GAP43: variants seen among roughly 807,000 people sequenced by gnomAD.
GAP43 encodes the protein growth associated protein 43.
A neutral mutation model predicts 18.6 loss-of-function variants in GAP43; 6 were observed. The observed-to-expected ratio is 0.32, with a 90% CI of 0.18 to 0.64. The LOEUF (loss-of-function observed/expected upper bound fraction) is 0.64, where lower values mean the gene tolerates loss of function less well. Among genes scored for constraint, GAP43 ranks in the 30% least tolerant of loss-of-function variants. The pLI is 0.78. For synonymous variants in GAP43, 115 were observed against 111.4 expected, an observed-to-expected ratio of 1.03 and a Z score of -0.20; for missense variants, 292 against 295.5, an observed-to-expected ratio of 0.99 and a Z score of 0.09.
rs905079334 is a variant in GAP43 at position 115,720,791 on chromosome 3, C to G, written c.629-3C>G. ...CCCCATCCTATCTTGTTTTCTTTCT[C>G]AGAAGCTGTAGATGAAACCAAACCT... On this transcript the variant is annotated splice_region_variant and splice_polypyrimidine_tract_variant and intron_variant, in intron 2 of 2. Transcript: ENST00000305124. 4.3e-6 allele frequency: 7 copies of G among 1,609,470 alleles called. No individual in the cohort carries two copies. In the Admixed American group the frequency reaches 1.2e-4, roughly 27 times the overall value.
At position 115,713,961 on chromosome 3, in the gene GAP43, G is replaced by A. The variant is rs559886076; in HGVS notation, c.629-6833G>A. Among the ~76,000 whole-genome samples the A allele has an allele frequency of 4.6e-5, 7 of 152,250 alleles. No individual in the cohort carries two copies. In the South Asian group the frequency reaches 1.0e-3, roughly 23 times the overall value. On this transcript the variant is annotated intron_variant, in intron 2 of 2. Coordinates refer to ENST00000305124, the MANE Select transcript of GAP43 (RefSeq NM_002045.4). ...AGAGAAGTGACCCAGGACGAATTAC[G>A]CTCCTTAGGGCTGAGTGCTTCTTAT...
intron 1 of GAP43, among the ~76,000 whole-genome samples, chr3:115,634,863 G>A (rs1468832952): frequency 6.6e-6 from 1 of 152,162 alleles, no homozygotes; most frequent in East Asian, 1.9e-4. Flanking sequence ...TGTACTGAGG[G>A]TAGCCCACTT....
intron 2 of GAP43, among the ~76,000 whole-genome samples, chr3:115,709,098 AC>A (rs1434836747): frequency 6.6e-6 from 1 of 152,090 alleles, no homozygotes; most frequent in Non-Finnish European, 1.5e-5. Flanking sequence ...GTCATTCAGA[AC>A]CCCAGATTTA....
intron 2 of GAP43, among the ~76,000 whole-genome samples, chr3:115,699,764 A>G (rs567934923): frequency 6.6e-6 from 1 of 152,286 alleles, no homozygotes; most frequent in Non-Finnish European, 1.5e-5. Context: ...TTATTTAATT[A>G]AAATATTTTA....
chr3:115,649,030 G>A (rs1708493313), intron 1 of GAP43, among the ~76,000 whole-genome samples: 2 of 152,020 alleles, frequency 1.3e-5, no homozygotes, highest in Non-Finnish European at 2.9e-5. Context: ...CAGATAACTG[G>A]CATAGACCAC....
At chr3:115,682,311 C>T (rs1039186892) in intron 2 of GAP43, among the ~76,000 whole-genome samples, 1 of 152,054 alleles carries the variant, frequency 6.6e-6, no homozygotes, top group Non-Finnish European at 1.5e-5. Context: ...TCAGTTATGC[C>T]AGGAGGATCT....
chr3:115,692,832 A>C (rs909861694), intron 2 of GAP43, among the ~76,000 whole-genome samples: 4 of 152,238 alleles, frequency 2.6e-5, no homozygotes, highest in Non-Finnish European at 5.9e-5. Context: ...TTCAGTTCAA[A>C]GATATTAATA....
intron 1 of GAP43, among the ~76,000 whole-genome samples, chr3:115,652,132 T>C (rs1270077164): frequency 1.3e-5 from 2 of 152,076 alleles, no homozygotes; most frequent in Admixed American, 6.6e-5. Flanking sequence ...ACATTTACCA[T>C]TGAAACTGAG....
At chr3:115,651,498 G>A (rs1326428929) in intron 1 of GAP43, among the ~76,000 whole-genome samples, 1 of 152,124 alleles carries the variant, frequency 6.6e-6, no homozygotes, top group East Asian at 1.9e-4. Flanking sequence ...CTCATTTGAT[G>A]CCTAACCTCG....
At chr3:115,630,569 G>C (rs1708248409) in intron 1 of GAP43, among the ~76,000 whole-genome samples, 1 of 152,168 alleles carries the variant, frequency 6.6e-6, no homozygotes, top group African/African-American at 2.4e-5. Context: ...TTCTCTGACT[G>C]AATTGGCATG....
chr3:115,641,758 C>G (rs538063374), intron 1 of GAP43, among the ~76,000 whole-genome samples: 2 of 152,152 alleles, frequency 1.3e-5, no homozygotes, highest in African/African-American at 4.8e-5. Context: ...CTAAAGAGAG[C>G]TTAGGAATTA....
At chr3:115,639,378 G>A (rs1708369321) in intron 1 of GAP43, among the ~76,000 whole-genome samples, 1 of 152,060 alleles carries the variant, frequency 6.6e-6, no homozygotes, top group African/African-American at 2.4e-5. Flanking sequence ...AGTACTCACT[G>A]TAAAATATAC....
intron 2 of GAP43, among the ~76,000 whole-genome samples, chr3:115,677,553 T>C (rs1708908985): frequency 1.3e-5 from 2 of 152,194 alleles, no homozygotes; most frequent in African/African-American, 2.4e-5. Context: ...ACATCCACAG[T>C]GGTAAAGGAG....
rs71141831 is a variant in GAP43 at position 115,652,356 on chromosome 3, C to CTTTTTTTTTTTTTTTTTTTTT, written c.31-23648_31-23628dup. Among the ~76,000 whole-genome samples, 18 of 43,812 alleles carry CTTTTTTTTTTTTTTTTTTTTT rather than the reference C, an allele frequency of 4.1e-4. 4 individuals are homozygous for CTTTTTTTTTTTTTTTTTTTTT. The highest frequency in any genetic ancestry group is 2.7e-3 in the East Asian group (3 of 1,104). The allele number at this position is 43,812 out of a possible 152,430, so 28.7% of individuals were successfully genotyped here. A position where few individuals can be genotyped will look rare whatever the true frequency, so the allele number is the denominator to read the frequency against. On this transcript the variant is annotated intron_variant, in intron 1 of 2. Transcript: ENST00000305124. ...TTCCTGATGATTCTTATCCAGCATT[C>CTTTTTTTTTTTTTTTTTTTTT]TTTTTTTTTTTTTTTTTTTTTTTTT... is the stretch of plus-strand genomic sequence containing the variant.
intron 2 of GAP43, among the ~76,000 whole-genome samples, chr3:115,680,045 T>TTCTTTCCTCCC (rs1708941701): frequency 1.3e-5 from 2 of 152,208 alleles, no homozygotes; most frequent in Admixed American, 6.5e-5. Flanking sequence ...TTTTTTATCC[T>TTCTTTCCTCCC]TCCTTCCTCC....
At chr3:115,698,258 TATATAAA>T (rs1440329685) in intron 2 of GAP43, among the ~76,000 whole-genome samples, 1 of 41,112 alleles carries the variant, frequency 2.4e-5, no homozygotes, top group African/African-American at 8.4e-5. Context: ...ATATATAATA[TATATAAA>T]ATATATATTA....
chr3:115,649,884 C>G (rs1244925210), intron 1 of GAP43, among the ~76,000 whole-genome samples: 1 of 151,726 alleles, frequency 6.6e-6, no homozygotes, highest in Non-Finnish European at 1.5e-5. Flanking sequence ...ACCCTCCCCT[C>G]TTTTTTCCCT....
intron 1 of GAP43, among the ~76,000 whole-genome samples, chr3:115,639,203 A>G (rs1416303175): frequency 1.3e-5 from 2 of 152,152 alleles, no homozygotes; most frequent in Non-Finnish European, 2.9e-5. Flanking sequence ...GCTAATAGAT[A>G]TTTCACACAG....
chr3:115,698,204 A>C (rs1576998616), intron 2 of GAP43, among the ~76,000 whole-genome samples: 1 of 9,418 alleles, frequency 1.1e-4, no homozygotes, highest in African/African-American at 3.3e-4. Context: ...TATATTATAT[A>C]TTATATAAAA....
Sources: allele counts gnomAD v4.1 joint callset (sites outside exome capture counted in the v4.1 genomes callset), GRCh38; gene constraint gnomAD v4.1.1; transcripts MANE v1.5; gene names NCBI Gene and HGNC (gene_info 2026-07-23, HGNC 2026-07-21).